Variants in IL1RAPL2 observed in about 807,000 individuals in gnomAD.
IL1RAPL2 encodes interleukin 1 receptor accessory protein like 2.
Under a neutral mutation model 44.1 loss-of-function variants are expected in IL1RAPL2, and 3 were observed. That is an observed-to-expected ratio of 0.07 (90% CI 0.03 to 0.18). IL1RAPL2 has a LOEUF of 0.18. Ranked by LOEUF, IL1RAPL2 falls within the 10% of genes least tolerant of loss-of-function variation. The pLI is 1.00. For synonymous variants in IL1RAPL2, 181 were observed against 178.8 expected (o/e 1.01, Z -0.10); for missense variants, 391 against 496.4 (o/e 0.79, Z 2.02).
chrX:105,058,289 T>C (rs2032025199), intron 2 of IL1RAPL2, among the ~76,000 whole-genome samples: 1 of 111,437 alleles, frequency 9.0e-6, no homozygotes, highest in Admixed American at 9.5e-5. Context: ...TTCCACCATG[T>C]TGGTCAGGCT....
In IL1RAPL2 at chrX:104,685,805, G is replaced by A. The variant is rs757902130; in HGVS notation, c.82+26810G>A. 2.7e-5 allele frequency among the ~76,000 whole-genome samples: 3 copies of A among 110,222 alleles called. No homozygotes were observed. The South Asian group carries it at 1.2e-3, about 43-fold the overall frequency. ...TAGCCAGGCGTGGTGGTGGGCGCTT[G>A]TAGTACCAGCTACTCGGGAGGCTGA... On this transcript the variant is annotated intron_variant, in intron 2 of 10. Transcript: ENST00000372582.
chrX:105,295,496 A>T (rs923045044), intron 5 of IL1RAPL2, among the ~76,000 whole-genome samples: 1 of 111,911 alleles, frequency 8.9e-6, no homozygotes, highest in African/African-American at 3.2e-5. Flanking sequence ...CATCCCAATC[A>T]CTTAGACTAA....
intron 2 of IL1RAPL2, among the ~76,000 whole-genome samples, chrX:105,030,730 C>T (rs184571345): frequency 9.0e-6 from 1 of 111,654 alleles, no homozygotes; most frequent in East Asian, 2.8e-4. Flanking sequence ...GAAATGTGGG[C>T]TCTTTTTTGG....
intron 2 of IL1RAPL2, among the ~76,000 whole-genome samples, chrX:104,882,439 A>C (rs1923095632): frequency 8.9e-6 from 1 of 112,178 alleles, no homozygotes; most frequent in Non-Finnish European, 1.9e-5. Context: ...TTTAACAATA[A>C]CTTTCAACAT....
chrX:105,001,374 G>T (rs1386148169), intron 2 of IL1RAPL2, among the ~76,000 whole-genome samples: 1 of 111,050 alleles, frequency 9.0e-6, no homozygotes, highest in African/African-American at 3.3e-5. Flanking sequence ...TCTCCTCTCT[G>T]GTCTATTCTA....
chrX:104,890,902 A>G (rs190659014), intron 2 of IL1RAPL2, among the ~76,000 whole-genome samples: 2,938 of 111,260 alleles, frequency 0.026, 107 homozygotes, highest in African/African-American at 0.091. Flanking sequence ...GTATTGCCTA[A>G]GTTTTCTTCT....
chrX:105,698,594 A>T (rs1166765347), intron 6 of IL1RAPL2, among the ~76,000 whole-genome samples: 1 of 112,069 alleles, frequency 8.9e-6, no homozygotes, highest in Non-Finnish European at 1.9e-5. Context: ...CACTGTGCTG[A>T]CTAAACCAAG....
At chrX:104,818,927 C>G (rs1038376660) in intron 2 of IL1RAPL2, among the ~76,000 whole-genome samples, 1 of 111,850 alleles carries the variant, frequency 8.9e-6, no homozygotes, top group African/African-American at 3.3e-5. Context: ...AGCACAATGC[C>G]TGGCATATAG....
chrX:105,721,685 G>A (rs972472467), intron 7 of IL1RAPL2, among the ~76,000 whole-genome samples: 3 of 111,539 alleles, frequency 2.7e-5, no homozygotes, highest in African/African-American at 6.5e-5. Context: ...CATATTAGGG[G>A]CCAAATGAGT....
At chrX:104,762,322 C>T (rs757242491) in intron 2 of IL1RAPL2, among the ~76,000 whole-genome samples, 1 of 111,424 alleles carries the variant, frequency 9.0e-6, no homozygotes, top group South Asian at 3.8e-4. Flanking sequence ...CCTAAAGCTC[C>T]AAAATGATCT....
intron 5 of IL1RAPL2, among the ~76,000 whole-genome samples, chrX:105,288,139 C>G (rs1392706144): frequency 9.0e-6 from 1 of 111,090 alleles, no homozygotes; most frequent in African/African-American, 3.3e-5. Context: ...CAGACCTGTT[C>G]ACTAGACATT....
chrX:105,503,356 CTGGACT>C (rs2036409454), intron 6 of IL1RAPL2, among the ~76,000 whole-genome samples: 1 of 111,093 alleles, frequency 9.0e-6, no homozygotes, highest in Admixed American at 9.6e-5. Context: ...AGTTAATTAA[CTGGACT>C]ACTTTAATCA....
chrX:105,225,701 T>TTTTC (rs2034008020), intron 3 of IL1RAPL2, among the ~76,000 whole-genome samples: 1 of 110,039 alleles, frequency 9.1e-6, no homozygotes, highest in African/African-American at 3.3e-5. Flanking sequence ...TTTATTTTTT[T>TTTTC]TTCTGAGACA....
chrX:105,073,092 A>G (rs1157821886), intron 2 of IL1RAPL2, among the ~76,000 whole-genome samples: 2 of 103,791 alleles, frequency 1.9e-5, no homozygotes, highest in Admixed American at 2.1e-4. Flanking sequence ...TGTGCACAAT[A>G]TTCAGGTTTG....
chrX:105,148,142 C>T (rs1040442216), intron 2 of IL1RAPL2, among the ~76,000 whole-genome samples: 22 of 111,640 alleles, frequency 2.0e-4, no homozygotes, highest in Middle Eastern at 4.6e-3. Flanking sequence ...ATTTGCATTA[C>T]TAGTCATCCT....
At chrX:104,917,734 G>A (rs1182684281) in intron 2 of IL1RAPL2, among the ~76,000 whole-genome samples, 1 of 111,981 alleles carries the variant, frequency 8.9e-6, no homozygotes, top group East Asian at 2.8e-4. Flanking sequence ...ATAAATGAGT[G>A]TTCCCAGCTG....
At chrX:105,274,616 A>C (rs752113355) in intron 5 of IL1RAPL2, among the ~76,000 whole-genome samples, 139 of 112,349 alleles carry the variant, frequency 1.2e-3, no homozygotes, top group Non-Finnish European at 8.3e-4. Context: ...TAGGGACAGA[A>C]GTGTGTTCTC....
intron 3 of IL1RAPL2, among the ~76,000 whole-genome samples, chrX:105,212,423 TGGGCAGGGC>T (rs1281477545): frequency 0.02 from 2,236 of 111,916 alleles, 64 homozygotes; most frequent in African/African-American, 0.069. Context: ...TCCTACTCAC[TGGGCAGGGC>T]ATCTCTGAGG....
intron 2 of IL1RAPL2, among the ~76,000 whole-genome samples, chrX:105,082,441 C>T (rs746058483): frequency 9.0e-6 from 1 of 111,211 alleles, no homozygotes; most frequent in African/African-American, 3.3e-5. Context: ...TCACAGCGTT[C>T]AAACTTTACT....
Sources: gnomAD v4.1 joint callset for allele counts (sites outside exome capture counted in the v4.1 genomes callset) on GRCh38, gnomAD v4.1.1 for gene constraint, MANE v1.5 for transcripts, NCBI Gene and HGNC (gene_info 2026-07-23, HGNC 2026-07-21) for gene names.